PCDH15: variants seen among roughly 807,000 people sequenced by gnomAD.
PCDH15 encodes protocadherin related 15.
In PCDH15, 129 loss-of-function variants were observed where a neutral mutation model predicts 178.5. That is an observed-to-expected ratio of 0.72 (90% CI 0.63 to 0.84). The LOEUF is 0.84. PCDH15 is among the 40% of genes least tolerant of loss of function. PCDH15 has a pLI of 0.00. For synonymous variants in PCDH15, 800 were observed against 732.0 expected, an observed-to-expected ratio of 1.09 and a Z score of -1.50; for missense variants, 2,230 against 2,099.9, an observed-to-expected ratio of 1.06 and a Z score of -1.21.
intron 1 of PCDH15, among the ~76,000 whole-genome samples, chr10:54,766,743 C>T (rs993076952): frequency 1.3e-5 from 2 of 151,950 alleles, no homozygotes; most frequent in African/African-American, 4.8e-5. Flanking sequence ...TCCTGGCTAA[C>T]ACGGTGAAAC....
At chr10:53,864,276 A>G (rs555869542) in intron 27 of PCDH15, among the ~76,000 whole-genome samples, 53 of 152,110 alleles carry the variant, frequency 3.5e-4, no homozygotes, top group Non-Finnish European at 7.4e-5. Context: ...ATTAAACAGG[A>G]AACTCCTGGG....
At chr10:54,742,626 G>A (rs953128) in intron 1 of PCDH15, among the ~76,000 whole-genome samples, 19,094 of 151,958 alleles carry the variant, frequency 0.13, 1,361 homozygotes, top group African/African-American at 0.18. Flanking sequence ...CACATCCTGA[G>A]TAAGGCTATA....
chr10:53,822,639 C>T (rs746157145), intron 32 of PCDH15: 3 of 1,614,066 alleles, frequency 1.9e-6, no homozygotes, highest in East Asian at 2.2e-5. Flanking sequence ...TTCCAAGGAA[C>T]ACTCAGCAGG....
chr10:55,165,739 T>C (rs1016228239), intron 2 of PCDH15, among the ~76,000 whole-genome samples: 4 of 152,016 alleles, frequency 2.6e-5, no homozygotes, highest in African/African-American at 9.7e-5. Context: ...TATATACACA[T>C]AACATATATG....
At chr10:53,942,780 A>C (rs966947776) in intron 23 of PCDH15, among the ~76,000 whole-genome samples, 1 of 152,200 alleles carries the variant, frequency 6.6e-6, no homozygotes, top group Non-Finnish European at 1.5e-5. Flanking sequence ...AAGATTATGT[A>C]AGTCCAAAAA....
intron 3 of PCDH15, among the ~76,000 whole-genome samples, chr10:54,408,656 ATTATAC>A (rs1953026247): frequency 6.6e-6 from 1 of 152,214 alleles, no homozygotes; most frequent in Admixed American, 6.5e-5. Flanking sequence ...AGAAGCTAAA[ATTATAC>A]TTAAAGGATT....
At chr10:54,807,283 A>G (rs557615493) in intron 3 of PCDH15, among the ~76,000 whole-genome samples, 1 of 152,334 alleles carries the variant, frequency 6.6e-6, no homozygotes, top group South Asian at 2.1e-4. Flanking sequence ...ATGTAAAATT[A>G]TACATAATTG....
intron 28 of PCDH15, among the ~76,000 whole-genome samples, chr10:53,848,629 C>T (rs534756018): frequency 6.6e-6 from 1 of 151,908 alleles, no homozygotes; most frequent in East Asian, 1.9e-4. Context: ...ACATGAATAA[C>T]CCCTTACCTT....
intron 1 of PCDH15, among the ~76,000 whole-genome samples, chr10:54,708,994 A>G (rs1351278103): frequency 6.6e-6 from 1 of 152,174 alleles, no homozygotes; most frequent in Non-Finnish European, 1.5e-5. Flanking sequence ...GTTAGACATC[A>G]TGTTGTAAAG....
At chr10:54,634,893 C>G (rs1446060127) in intron 2 of PCDH15, among the ~76,000 whole-genome samples, 1 of 151,734 alleles carries the variant, frequency 6.6e-6, no homozygotes, top group Admixed American at 6.6e-5. Context: ...AAGCCCAAAA[C>G]AGAATTTTCT....
At chr10:54,590,012 TC>T (rs2091776954) in intron 2 of PCDH15, among the ~76,000 whole-genome samples, 1 of 152,210 alleles carries the variant, frequency 6.6e-6, no homozygotes, top group Admixed American at 6.5e-5. Context: ...GTATATATTT[TC>T]CTAGACAATG....
intron 8 of PCDH15, among the ~76,000 whole-genome samples, chr10:54,253,157 C>T (rs1342972338): frequency 6.6e-6 from 1 of 151,888 alleles, no homozygotes; most frequent in African/African-American, 2.4e-5. Flanking sequence ...ATTTTAAATT[C>T]ACAATTCAGA....
chr10:53,865,001 TGAG>T (rs2079352706), intron 27 of PCDH15, among the ~76,000 whole-genome samples: 1 of 152,092 alleles, frequency 6.6e-6, no homozygotes, highest in Non-Finnish European at 1.5e-5. Flanking sequence ...CTAGGGTGGC[TGAG>T]GTGGGAGGAT....
At chr10:53,864,222 G>A (rs2079292551) in intron 27 of PCDH15, among the ~76,000 whole-genome samples, 1 of 152,070 alleles carries the variant, frequency 6.6e-6, no homozygotes, top group Non-Finnish European at 1.5e-5. Context: ...AAGGTCTGGG[G>A]TCAGGGAATC....
Position 54,720,040 on chromosome 10 carries a change from A to G in PCDH15, c.-28-55750T>C, listed in dbSNP as rs55693370. Among the ~76,000 whole-genome samples, 1,184 of 152,174 alleles carry G rather than the reference A, an allele frequency of 7.8e-3. 15 individuals are homozygous for G. The highest frequency in any genetic ancestry group is 0.027 in the African/African-American group (1,133 of 41,538). ...AGTGATGATTATTAACAAGTCAAGAAACAATAGATGCTGGTGAGGCTGTGG... is the reference window on the plus strand; with the variant it reads ...AGTGATGATTATTAACAAGTCAAGAGACAATAGATGCTGGTGAGGCTGTGG... On this transcript the variant is annotated intron_variant, in intron 1 of 37. Transcript: ENST00000644397.
At position 54,457,481 on chromosome 10, in the gene PCDH15, A is replaced by G. The variant is rs577332145; in HGVS notation, c.157+70331T>C. 2.6e-5 allele frequency among the ~76,000 whole-genome samples: 4 copies of G among 152,076 alleles called. No individual in the cohort carries two copies. The South Asian group carries it at 8.3e-4, about 32-fold the overall frequency. On this transcript the variant is annotated intron_variant, in intron 3 of 37. Transcript: ENST00000644397. ...CATTCCTATATTGCACCATTTCAGAATTTTCTGCCTCACAGTTGGAATGTT... is the reference window on the plus strand; with the variant it reads ...CATTCCTATATTGCACCATTTCAGAGTTTTCTGCCTCACAGTTGGAATGTT...
chr10:54,357,950 T>C (rs1450703635), intron 5 of PCDH15, among the ~76,000 whole-genome samples: 5 of 151,770 alleles, frequency 3.3e-5, no homozygotes, highest in African/African-American at 9.7e-5. Context: ...CTGGGAAAAC[T>C]GGCTAGCCAT....
chr10:54,304,255 G>T (rs1420474297), intron 8 of PCDH15, among the ~76,000 whole-genome samples: 2 of 152,010 alleles, frequency 1.3e-5, no homozygotes, highest in Non-Finnish European at 2.9e-5. Context: ...AAATCGCACT[G>T]AAAACAGAGC....
intron 10 of PCDH15, among the ~76,000 whole-genome samples, chr10:54,212,499 A>C (rs531659758): frequency 4.6e-5 from 7 of 151,794 alleles, no homozygotes; most frequent in Non-Finnish European, 1.0e-4. Context: ...ATCATTTCCC[A>C]CTTTTATTCA....
Sources: allele counts gnomAD v4.1 joint callset (sites outside exome capture counted in the v4.1 genomes callset), GRCh38; gene constraint gnomAD v4.1.1; transcripts MANE v1.5; gene names NCBI Gene and HGNC (gene_info 2026-07-23, HGNC 2026-07-21).